NAV3: variants seen among roughly 807,000 people sequenced by gnomAD.
NAV3 encodes the protein neuron navigator 3, also known as pore membrane and/or filament interacting like protein 1.
NAV3 carries 87 observed loss-of-function variants against 244.7 expected under a neutral mutation model. That is an observed-to-expected ratio of 0.36 (90% CI 0.30 to 0.42). The LOEUF is 0.42. Among genes scored for constraint, NAV3 ranks in the 20% least tolerant of loss-of-function variants. NAV3 has a pLI of 1.00. For synonymous variants in NAV3, 1,126 were observed against 1,042.2 expected (o/e 1.08, Z -1.55); for missense variants, 2,663 against 2,893.3 (o/e 0.92, Z 1.83).
intron 9 of NAV3, among the ~76,000 whole-genome samples, chr12:78,037,816 A>T (rs1448642255): frequency 6.6e-6 from 1 of 152,166 alleles, no homozygotes; most frequent in Non-Finnish European, 1.5e-5. Flanking sequence ...TTTTCTGTAG[A>T]GTTAAGTTTC....
intron 1 of NAV3, among the ~76,000 whole-genome samples, chr12:77,872,623 T>C (rs1435874257): frequency 6.6e-6 from 1 of 152,150 alleles, no homozygotes; most frequent in Non-Finnish European, 1.5e-5. Context: ...ATCAAGGAAA[T>C]GTCTAAGAGA....
intron 11 of NAV3, among the ~76,000 whole-genome samples, chr12:78,054,106 AC>A (rs1883149783): frequency 2.0e-5 from 3 of 152,182 alleles, no homozygotes; most frequent in Admixed American, 6.5e-5. Flanking sequence ...AAAGTACTAA[AC>A]CCTCACATGA....
At chr12:78,032,499 C>T (rs1879169034) in intron 9 of NAV3, among the ~76,000 whole-genome samples, 1 of 152,136 alleles carries the variant, frequency 6.6e-6, no homozygotes. Context: ...GTGCACCTCT[C>T]CAAAATTTTT....
chr12:77,868,767 A>AG (rs1389520100), intron 1 of NAV3, among the ~76,000 whole-genome samples: 11 of 150,626 alleles, frequency 7.3e-5, no homozygotes, highest in East Asian at 3.9e-4. Flanking sequence ...AAAAAAAAAA[A>AG]AAAAGAAAAA....
chr12:78,021,717 A>G (rs747679346), intron 8 of NAV3, 30 bp from the exon 9 acceptor site: 3 of 1,484,870 alleles, frequency 2.0e-6, no homozygotes, highest in South Asian at 2.3e-5. Context: ...TATAACTGCT[A>G]TTTCTTTCTA....
At chr12:77,870,092 C>T (rs904192178) in intron 1 of NAV3, among the ~76,000 whole-genome samples, 16 of 151,996 alleles carry the variant, frequency 1.1e-4, no homozygotes, top group Non-Finnish European at 2.2e-4. Context: ...ATAAGCCGGG[C>T]GCGGTGGCTC....
intron 2 of NAV3, among the ~76,000 whole-genome samples, chr12:77,667,342 G>T (rs1873760356): frequency 6.6e-6 from 1 of 152,158 alleles, no homozygotes; most frequent in Admixed American, 6.5e-5. Context: ...CTCAGGTGGT[G>T]GTCTGGGGCA....
chr12:77,723,646 G>C (rs144280806), intron 2 of NAV3, among the ~76,000 whole-genome samples: 1,855 of 151,488 alleles, frequency 0.012, 33 homozygotes, highest in African/African-American at 0.043. Context: ...TTTGCTTACT[G>C]GTCATGAAAA....
Position 77,968,625 on chromosome 12 carries a change from A to G in NAV3, c.594A>G (p.Glu198=). 1 of 1,614,166 alleles carries G rather than the reference A, an allele frequency of 6.2e-7. No individual in the cohort carries two copies. The highest frequency in any genetic ancestry group is 8.5e-7 in the Non-Finnish European group (1 of 1,180,012). Residue 198 remains glutamate, a synonymous_variant, in exon 5 of 40, where the codon GAA becomes GAG. Transcript: ENST00000397909. ...HQQQYYQSLV[E]LQQRVTHASP... is the part of the protein sequence containing the mutation. Reference sequence around the variant, plus strand: ...AACAGTACTATCAGTCCTTGGTGGAACTTCAGCAGCGAGTTACTCACGCTT... The same window carrying G: ...AACAGTACTATCAGTCCTTGGTGGAGCTTCAGCAGCGAGTTACTCACGCTT...
At chr12:78,196,898 A>G (rs1959182240) in intron 34 of NAV3, among the ~76,000 whole-genome samples, 1 of 151,936 alleles carries the variant, frequency 6.6e-6, no homozygotes, top group Admixed American at 6.6e-5. Context: ...AAATCTCAAT[A>G]TATGTGGTTT....
At chr12:77,777,393 G>A (rs1870417871) in intron 2 of NAV3, among the ~76,000 whole-genome samples, 1 of 152,180 alleles carries the variant, frequency 6.6e-6, no homozygotes, top group East Asian at 1.9e-4. Flanking sequence ...ATGAGATGAA[G>A]TGAATGGAGT....
At chr12:78,144,862 G>A (rs920757182) in intron 20 of NAV3, among the ~76,000 whole-genome samples, 3 of 130,804 alleles carry the variant, frequency 2.3e-5, no homozygotes, top group African/African-American at 8.5e-5. Context: ...GTGGGCTACA[G>A]TGAGTTGTGA....
intron 9 of NAV3, among the ~76,000 whole-genome samples, chr12:78,041,322 C>T (rs1247852928): frequency 6.6e-6 from 1 of 152,026 alleles, no homozygotes; most frequent in Non-Finnish European, 1.5e-5. Context: ...TTTGTAAATT[C>T]AAGGGAAGAA....
intron 12 of NAV3, among the ~76,000 whole-genome samples, chr12:78,089,764 A>T (rs1216366928): frequency 6.6e-6 from 1 of 152,114 alleles, no homozygotes; most frequent in African/African-American, 2.4e-5. Flanking sequence ...TGTTGACAGT[A>T]CTTCCTTTGA....
At chr12:77,951,679 T>A (rs1020268204) in intron 3 of NAV3, among the ~76,000 whole-genome samples, 1 of 151,998 alleles carries the variant, frequency 6.6e-6, no homozygotes, top group African/African-American at 2.4e-5. Flanking sequence ...CAAATGTCCA[T>A]CAATGATAGA....
chr12:77,602,853 G>T (rs570015021), intron 2 of NAV3, among the ~76,000 whole-genome samples: 1 of 152,062 alleles, frequency 6.6e-6, no homozygotes, highest in East Asian at 1.9e-4. Context: ...TTGATCTACA[G>T]CTCACTTTAT....
chr12:77,658,620 T>C (rs1286642877), intron 2 of NAV3, among the ~76,000 whole-genome samples: 1 of 152,098 alleles, frequency 6.6e-6, no homozygotes, highest in Non-Finnish European at 1.5e-5. Flanking sequence ...TTAAAGTTCA[T>C]ATGGAACCAA....
intron 5 of NAV3, among the ~76,000 whole-genome samples, chr12:77,990,637 C>A (rs945966882): frequency 6.6e-6 from 1 of 152,190 alleles, no homozygotes; most frequent in African/African-American, 2.4e-5. Context: ...ATAATTATCA[C>A]ACTTTAAAAA....
intron 2 of NAV3, among the ~76,000 whole-genome samples, chr12:77,694,546 C>T (rs1318516417): frequency 6.6e-6 from 1 of 151,744 alleles, no homozygotes; most frequent in African/African-American, 2.4e-5. Context: ...ACCTTAACAA[C>T]CAAGTTCAGT....
Sources: gnomAD v4.1 joint callset for allele counts (sites outside exome capture counted in the v4.1 genomes callset) on GRCh38, gnomAD v4.1.1 for gene constraint, MANE v1.5 for transcripts, NCBI Gene and HGNC (gene_info 2026-07-23, HGNC 2026-07-21) for gene names.